The following TDRD1 variants were observed in gnomAD, a reference collection of about 807,000 sequenced individuals.
TDRD1 encodes tudor domain containing 1, also known as tudor domain-containing protein 1.
Under a neutral mutation model 140.6 loss-of-function variants are expected in TDRD1, and 37 were observed. That is an observed-to-expected ratio of 0.26 (90% CI 0.20 to 0.35). The LOEUF is 0.35. Ranked by LOEUF, TDRD1 falls within the 10% of genes least tolerant of loss-of-function variation. TDRD1 has a pLI of 1.00. For synonymous variants in TDRD1, 506 were observed against 475.7 expected (o/e 1.06, Z -0.83); for missense variants, 1,243 against 1,393.0 (o/e 0.89, Z 1.71).
chr10:114,194,372 A>G (rs1398710915), intron 3 of TDRD1, among the ~76,000 whole-genome samples: 1 of 152,142 alleles, frequency 6.6e-6, no homozygotes, highest in African/African-American at 2.4e-5. Flanking sequence ...AGTTTCCTTA[A>G]TATTTATAAT....
intron 5 of TDRD1, 82 bp downstream of exon 5, chr10:114,201,597 C>T (rs2034746702): frequency 1.8e-6 from 2 of 1,128,956 alleles, no homozygotes; most frequent in South Asian, 1.4e-5. Flanking sequence ...TTAAGCAGAC[C>T]ACAACCAAGT....
At chr10:114,183,859 T>G (rs548901058) in intron 1 of TDRD1, among the ~76,000 whole-genome samples, 38 of 152,066 alleles carry the variant, frequency 2.5e-4, no homozygotes, top group African/African-American at 9.2e-4. Context: ...CCACCACTCC[T>G]TGGCCTCCCA....
intron 1 of TDRD1, among the ~76,000 whole-genome samples, chr10:114,182,371 A>AATAGGAAT (rs2033141035): frequency 6.6e-6 from 1 of 152,226 alleles, no homozygotes. Flanking sequence ...GAATAGGGTG[A>AATAGGAAT]GTCCTTCAAA....
At chr10:114,231,780 C>A (rs886092359) in exon 26 of TDRD1, 4 of 410,710 alleles carry the variant, frequency 9.7e-6, no homozygotes, top group Non-Finnish European at 1.3e-5. Flanking sequence ...ATATATGTAA[C>A]TTTTTATTAC....
chr10:114,214,060 G>A (rs139012837), exon 16 of TDRD1: 175 of 1,613,510 alleles, frequency 1.1e-4, no homozygotes, highest in Non-Finnish European at 3.1e-5. Flanking sequence ...AGATGTTGTG[G>A]TCTGTGTGAT....
At chr10:114,182,994 A>G (rs1027603786) in intron 1 of TDRD1, among the ~76,000 whole-genome samples, 12 of 152,286 alleles carry the variant, frequency 7.9e-5, no homozygotes, top group African/African-American at 2.6e-4. Context: ...AATCATACGA[A>G]TATCTTTTGA....
intron 1 of TDRD1, among the ~76,000 whole-genome samples, chr10:114,184,016 G>A (rs1589652334): frequency 6.6e-6 from 1 of 151,938 alleles, no homozygotes; most frequent in African/African-American, 2.4e-5. Flanking sequence ...TCAGTGGCTA[G>A]GAATGCTTTT....
intron 8 of TDRD1, 117 bp from the exon 9 acceptor site, chr10:114,203,956 G>A: frequency 2.5e-6 from 3 of 1,202,502 alleles, no homozygotes; most frequent in Non-Finnish European, 3.5e-6. Context: ...CTTATTAATT[G>A]AGTGCCTCAG....
rs778177027 is a variant in TDRD1, at chr10:114,206,304, A to C, written c.1358A>C (p.Asp453Ala). 4 of 1,613,396 alleles carry C rather than the reference A, an allele frequency of 2.5e-6. No homozygotes were observed. The African/African-American group carries it at 4.0e-5, about 16-fold the overall frequency. ...TATGGCTTGAAACCCAGTGGACAAG[A>C]TTCTAAGAAGGAAAATGCAGATCAA... The change falls in exon 11 of 26, where the codon GAT becomes GCT. Residue 453 changes from aspartate (D) to alanine (A), a missense_variant. Asp to Ala is a moderately radical substitution (Grantham distance 126, BLOSUM62 -2). Coordinates refer to ENST00000251864, the Ensembl canonical transcript of TDRD1.
At chr10:114,194,061 T>A (rs2034173180) in intron 3 of TDRD1, among the ~76,000 whole-genome samples, 1 of 152,258 alleles carries the variant, frequency 6.6e-6, no homozygotes, top group Admixed American at 6.5e-5. Flanking sequence ...TTGGTCGTGA[T>A]ATACAATTAT....
upstream of TDRD1, among the ~76,000 whole-genome samples, chr10:114,175,509 ACT>A (rs369295301): frequency 1.7e-4 from 26 of 152,222 alleles, no homozygotes; most frequent in African/African-American, 6.3e-4. Context: ...TCCACTGAAA[ACT>A]CTTAGAACAG....
chr10:114,194,818 G>A (rs1157311362), intron 3 of TDRD1, among the ~76,000 whole-genome samples: 1 of 149,334 alleles, frequency 6.7e-6, no homozygotes, highest in African/African-American at 2.5e-5. Flanking sequence ...GAGTGTAGTG[G>A]CACAATCATA....
chr10:114,214,885 G>A (rs1397367734), intron 16 of TDRD1, among the ~76,000 whole-genome samples: 1 of 151,908 alleles, frequency 6.6e-6, no homozygotes, highest in African/African-American at 2.4e-5. Flanking sequence ...CTATAGGCAT[G>A]TGCCACCACG....
At chr10:114,229,876 G>A (rs1420335663) in intron 25 of TDRD1, among the ~76,000 whole-genome samples, 1 of 150,242 alleles carries the variant, frequency 6.7e-6, no homozygotes, top group Non-Finnish European at 1.5e-5. Context: ...TGTTGTCCAG[G>A]CTGGAGTGCA....
intron 10 of TDRD1, among the ~76,000 whole-genome samples, chr10:114,205,743 G>A (rs1223591046): frequency 6.6e-6 from 1 of 152,120 alleles, no homozygotes; most frequent in African/African-American, 2.4e-5. Flanking sequence ...GGAGTAGGTG[G>A]GGATGGTTAA....
intron 3 of TDRD1, among the ~76,000 whole-genome samples, 179 bp downstream of exon 3, chr10:114,191,198 A>T (rs1013865093): frequency 2.6e-5 from 4 of 152,366 alleles, no homozygotes; most frequent in African/African-American, 9.6e-5. Context: ...ATGCAGTTGT[A>T]AGAAATAATG....
In TDRD1 at chr10:114,220,529, G is replaced by T. The variant is rs200058183; in HGVS notation, c.2495-39G>T. 8.5e-6 allele frequency: 13 copies of T among 1,537,318 alleles called. No homozygotes were observed. In the East Asian group the frequency reaches 2.9e-4, roughly 35 times the overall value. ...TACTACTAAAGCAAAAATGAAACTT[G>T]TTCATAGGATTCTTTTTACTGCTGT... On this transcript the variant is annotated intron_variant, in intron 18 of 25. Transcript: ENST00000251864.
intron 13 of TDRD1, 138 bp downstream of exon 13, chr10:114,211,105 T>C (rs946979156): frequency 1.5e-6 from 1 of 669,242 alleles, no homozygotes; most frequent in Non-Finnish European, 2.4e-6. Flanking sequence ...AGTGAACCAA[T>C]CATGTTTTTA....
intron 3 of TDRD1, among the ~76,000 whole-genome samples, chr10:114,195,934 G>A (rs1037484696): frequency 9.2e-5 from 14 of 151,982 alleles, no homozygotes; most frequent in Admixed American, 4.6e-4. Context: ...TTCTACATAC[G>A]GTATCATGTA....
Sources: gnomAD v4.1 joint callset for allele counts (sites outside exome capture counted in the v4.1 genomes callset) on GRCh38, gnomAD v4.1.1 for gene constraint, MANE v1.5 for transcripts, NCBI Gene and HGNC (gene_info 2026-07-23, HGNC 2026-07-21) for gene names.